MRTFA: variants seen among roughly 807,000 people sequenced by gnomAD.
MRTFA encodes the protein myocardin-related transcription factor A.
Under a neutral mutation model 83.5 loss-of-function variants are expected in MRTFA, and 20 were observed. That is an observed-to-expected ratio of 0.24 (90% CI 0.17 to 0.35). MRTFA has a LOEUF of 0.35. Ranked by LOEUF, MRTFA falls within the 10% of genes least tolerant of loss-of-function variation. MRTFA has a pLI of 1.00. For missense variants in MRTFA, 1,200 were observed against 1,224.7 expected (o/e 0.98, Z 0.30); for synonymous variants, 659 against 541.2 (o/e 1.22, Z -3.02).
chr22:40,594,624 G>A (rs900743518), intron 2 of MRTFA, 50 bp downstream of exon 2: 2 of 151,982 alleles, frequency 1.3e-5, no homozygotes, highest in Non-Finnish European at 1.5e-5. Context: ...AGATACTAAC[G>A]ACCACATTAG....
chr22:40,475,060 A>G (rs2053970445), intron 3 of MRTFA, among the ~76,000 whole-genome samples: 1 of 151,424 alleles, frequency 6.6e-6, no homozygotes, highest in African/African-American at 2.4e-5. Context: ...GCTGGTCTAG[A>G]ACTCCTGATT....
intron 1 of MRTFA, among the ~76,000 whole-genome samples, chr22:40,623,470 C>A (rs991462633): frequency 3.3e-5 from 5 of 150,864 alleles, no homozygotes; most frequent in African/African-American, 7.3e-5. Flanking sequence ...ATCCCTCCCC[C>A]CTCCCCCAAC....
intron 3 of MRTFA, among the ~76,000 whole-genome samples, chr22:40,508,080 G>A (rs904419905): frequency 2.6e-5 from 4 of 151,802 alleles, no homozygotes; most frequent in Non-Finnish European, 4.4e-5. Context: ...TGGCTTCTAG[G>A]GAAACATAAG....
At chr22:40,564,109 G>C (rs984007929) in intron 2 of MRTFA, among the ~76,000 whole-genome samples, 11 of 152,182 alleles carry the variant, frequency 7.2e-5, no homozygotes, top group African/African-American at 2.7e-4. Context: ...GTTTCTGTTT[G>C]ATTGTTGGGG....
intron 7 of MRTFA, among the ~76,000 whole-genome samples, chr22:40,426,083 T>A (rs1015893680): frequency 1.3e-5 from 2 of 152,088 alleles, no homozygotes; most frequent in African/African-American, 4.8e-5. Context: ...TGACGATAAC[T>A]GAGGGGCCTG....
At chr22:40,423,511 G>C (rs1455881863) in intron 9 of MRTFA, 25 bp downstream of exon 9, 1 of 1,459,002 alleles carries the variant, frequency 6.9e-7, no homozygotes, top group East Asian at 2.6e-5. Context: ...GGAAGGGGAG[G>C]GTACAATCAC....
intron 1 of MRTFA, among the ~76,000 whole-genome samples, chr22:40,595,863 C>CT (rs35215701): frequency 0.076 from 5,977 of 78,162 alleles, 474 homozygotes; most frequent in East Asian, 0.25. Context: ...TATCTAAAGT[C>CT]TTTTTTTTTT....
intron 4 of MRTFA, among the ~76,000 whole-genome samples, chr22:40,439,710 G>C (rs945422488): frequency 5.3e-5 from 8 of 151,938 alleles, no homozygotes; most frequent in Non-Finnish European, 7.4e-5. Context: ...CTGTCTGAGG[G>C]GCCCCAGGGC....
chr22:40,442,422 G>C (rs987408252), intron 4 of MRTFA, among the ~76,000 whole-genome samples: 5 of 152,148 alleles, frequency 3.3e-5, no homozygotes, highest in Admixed American at 2.0e-4. Flanking sequence ...TGGAAGCAGG[G>C]AGCATATACA....
chr22:40,503,402 G>A (rs1318067690), intron 3 of MRTFA, among the ~76,000 whole-genome samples: 1 of 152,200 alleles, frequency 6.6e-6, no homozygotes, highest in African/African-American at 2.4e-5. Flanking sequence ...TAGAGACAAA[G>A]GTTTTGCCAA....
intron 1 of MRTFA, among the ~76,000 whole-genome samples, chr22:40,634,209 T>C (rs917416763): frequency 6.6e-6 from 1 of 152,100 alleles, no homozygotes; most frequent in Non-Finnish European, 1.5e-5. Context: ...AGCCTCAGCC[T>C]CCTGAGTAGC....
chr22:40,476,797 A>C (rs2147177386), intron 3 of MRTFA, among the ~76,000 whole-genome samples: 1 of 152,160 alleles, frequency 6.6e-6, no homozygotes, highest in Non-Finnish European at 1.5e-5. Flanking sequence ...TTCTTCCTTC[A>C]ACTTGTGAAA....
At chr22:40,473,229 G>A (rs538796211) in intron 3 of MRTFA, among the ~76,000 whole-genome samples, 3 of 152,202 alleles carry the variant, frequency 2.0e-5, no homozygotes, top group South Asian at 2.1e-4. Flanking sequence ...GTATGATCAC[G>A]GCTCACCGCA....
intron 1 of MRTFA, among the ~76,000 whole-genome samples, chr22:40,617,196 G>A (rs867916598): frequency 8.6e-6 from 1 of 115,754 alleles, no homozygotes; most frequent in Non-Finnish European, 1.8e-5. Flanking sequence ...GAGGGAGGGA[G>A]GGAGGGAGGG....
chr22:40,452,439 A>G (rs888567627), intron 4 of MRTFA, among the ~76,000 whole-genome samples: 1 of 152,188 alleles, frequency 6.6e-6, no homozygotes, highest in African/African-American at 2.4e-5. Flanking sequence ...AGCCTTGGAT[A>G]TCTCAGATTC....
intron 1 of MRTFA, among the ~76,000 whole-genome samples, chr22:40,609,908 TTAATA>T (rs2056365974): frequency 6.6e-6 from 1 of 152,184 alleles, no homozygotes. Context: ...TATGTCCTCT[TTAATA>T]TATTAATTCT....
intron 14 of MRTFA, chr22:40,412,953 T>C (rs1470111349): frequency 1.3e-5 from 2 of 151,446 alleles, no homozygotes; most frequent in East Asian, 3.9e-4. Flanking sequence ...CAGGCTAACA[T>C]GGTGAAACCC....
At chr22:40,487,461 C>G (rs1037347404) in intron 3 of MRTFA, among the ~76,000 whole-genome samples, 9 of 152,098 alleles carry the variant, frequency 5.9e-5, no homozygotes, top group Admixed American at 5.2e-4. Context: ...AGCAACTTAG[C>G]CAAGTTCACC....
intron 3 of MRTFA, among the ~76,000 whole-genome samples, chr22:40,507,906 T>A (rs1376481470): frequency 7.6e-6 from 1 of 130,982 alleles, no homozygotes; most frequent in African/African-American, 3.0e-5. Flanking sequence ...GAGGTTGCAG[T>A]GAGCCGAGAT....
Sources: gnomAD v4.1 joint callset for allele counts (sites outside exome capture counted in the v4.1 genomes callset) on GRCh38, gnomAD v4.1.1 for gene constraint, MANE v1.5 for transcripts, NCBI Gene and HGNC (gene_info 2026-07-23, HGNC 2026-07-21) for gene names.